Variants in USH2A observed in about 807,000 individuals in gnomAD.
The protein encoded by USH2A is usherin, also known as Usher syndrome 2A (autosomal recessive, mild).
USH2A carries 443 observed loss-of-function variants against 538.9 expected under a neutral mutation model. The observed-to-expected ratio is 0.82, with a 90% CI of 0.76 to 0.89. USH2A has a LOEUF of 0.89. Ranked by LOEUF, USH2A falls within the 40% of genes least tolerant of loss-of-function variation. The pLI is 0.00. For missense variants in USH2A, 6,633 were observed against 6,324.8 expected (o/e 1.05, Z -1.65); for synonymous variants, 2,413 against 2,273.5 (o/e 1.06, Z -1.75).
At chr1:215,667,776 C>T (rs780700381) in intron 64 of USH2A, among the ~76,000 whole-genome samples, 10 of 151,982 alleles carry the variant, frequency 6.6e-5, no homozygotes, top group Non-Finnish European at 1.0e-4. Context: ...CTTATCCATG[C>T]GATACCCTCT....
intron 32 of USH2A, among the ~76,000 whole-genome samples, chr1:216,006,682 CCTT>C (rs1668400175): frequency 6.6e-6 from 1 of 151,946 alleles, no homozygotes; most frequent in Non-Finnish European, 1.5e-5. Context: ...ATTTGTTTTT[CCTT>C]CTTCTCCTTT....
chr1:215,707,588 T>C (rs1391927347), intron 61 of USH2A, among the ~76,000 whole-genome samples: 1 of 152,174 alleles, frequency 6.6e-6, no homozygotes, highest in Non-Finnish European at 1.5e-5. Flanking sequence ...AAAGGATAAT[T>C]GTTTAAATTT....
At chr1:215,650,446 T>C (rs1441529067) in intron 65 of USH2A, 146 bp downstream of exon 65, 6 of 935,616 alleles carry the variant, frequency 6.4e-6, no homozygotes, top group Middle Eastern at 3.0e-4. Context: ...CTCTGAGGGA[T>C]ATTTGTGCTA....
intron 32 of USH2A, among the ~76,000 whole-genome samples, chr1:216,005,653 G>A (rs1668374121): frequency 6.6e-6 from 1 of 152,078 alleles, no homozygotes. Context: ...TTGGGCCAAT[G>A]TAGGGGTCTA....
At chr1:215,919,703 ATTTT>A (rs963814766) in intron 38 of USH2A, among the ~76,000 whole-genome samples, 1 of 151,896 alleles carries the variant, frequency 6.6e-6, no homozygotes, top group Non-Finnish European at 1.5e-5. Flanking sequence ...TGCAACTATT[ATTTT>A]TTTTAAGAAA....
intron 13 of USH2A, among the ~76,000 whole-genome samples, chr1:216,238,867 C>T (rs1299422046): frequency 2.6e-5 from 4 of 152,106 alleles, no homozygotes; most frequent in Non-Finnish European, 4.4e-5. Context: ...CTACCCCATC[C>T]TTCTCCCTCC....
At chr1:216,405,100 C>T (rs910259109) in intron 3 of USH2A, among the ~76,000 whole-genome samples, 3 of 152,170 alleles carry the variant, frequency 2.0e-5, no homozygotes, top group African/African-American at 7.2e-5. Context: ...AAGCAATTCA[C>T]CCACCTCAGC....
intron 34 of USH2A, among the ~76,000 whole-genome samples, chr1:215,994,246 C>T (rs1016234532): frequency 2.0e-5 from 3 of 152,030 alleles, no homozygotes; most frequent in Non-Finnish European, 4.4e-5. Flanking sequence ...ACAGATATTA[C>T]TAAGATAAAA....
chr1:216,245,186 T>C (rs1023742918), intron 13 of USH2A, among the ~76,000 whole-genome samples: 1 of 152,130 alleles, frequency 6.6e-6, no homozygotes, highest in African/African-American at 2.4e-5. Flanking sequence ...CTCCATAATC[T>C]TCCTGTCTTC....
chr1:215,725,801 C>T (rs994511031), intron 61 of USH2A, among the ~76,000 whole-genome samples: 3 of 152,118 alleles, frequency 2.0e-5, no homozygotes, highest in Admixed American at 6.6e-5. Context: ...AGCCCTGTGC[C>T]GCTTAAAGCT....
chr1:216,315,490 T>A (rs1272291740), intron 9 of USH2A, among the ~76,000 whole-genome samples: 1 of 152,072 alleles, frequency 6.6e-6, no homozygotes, highest in Non-Finnish European at 1.5e-5. Flanking sequence ...AAGAGAACGT[T>A]TGGGAGAGTG....
At chr1:215,947,420 G>A (rs1363294740) in intron 37 of USH2A, among the ~76,000 whole-genome samples, 6 of 152,052 alleles carry the variant, frequency 3.9e-5, no homozygotes, top group Non-Finnish European at 2.9e-5. Context: ...TATATATGTA[G>A]CTCACATTAT....
At chr1:215,764,129 T>C (rs1371500681) in intron 56 of USH2A, among the ~76,000 whole-genome samples, 2 of 152,270 alleles carry the variant, frequency 1.3e-5, no homozygotes, top group African/African-American at 2.4e-5. Flanking sequence ...TCCATAAGTG[T>C]AGCTTTGGTG....
chr1:215,722,064 CT>C (rs1206598561), intron 61 of USH2A, among the ~76,000 whole-genome samples: 4 of 60,380 alleles, frequency 6.6e-5, no homozygotes, highest in South Asian at 7.4e-4. Context: ...GACCCTGTCT[CT>C]TTAAAAAAAA....
chr1:215,822,608 T>C (rs1663041566), intron 47 of USH2A, among the ~76,000 whole-genome samples: 1 of 151,978 alleles, frequency 6.6e-6, no homozygotes, highest in African/African-American at 2.4e-5. Flanking sequence ...TTGGATGCCC[T>C]TTATTTCTTC....
intron 32 of USH2A, among the ~76,000 whole-genome samples, chr1:216,003,188 G>A (rs1668306708): frequency 6.6e-6 from 1 of 152,098 alleles, no homozygotes. Context: ...TTGCTTGAGA[G>A]GGTTAGAATG....
At position 215,634,496 on chromosome 1, in the gene USH2A, G is replaced by T; in HGVS notation, c.15260C>A (p.Ser5087Tyr). 6.2e-7 allele frequency: 1 copy of T among 1,614,194 alleles called. No individual in the cohort carries two copies. The highest frequency in any genetic ancestry group is 8.5e-7 in the Non-Finnish European group (1 of 1,180,038). The change falls in exon 70 of 72, where the codon TCT (serine) becomes TAT (tyrosine). Residue 5087 changes from serine (S) to tyrosine (Y), a missense_variant. Physicochemically the swap from Ser to Tyr is moderately radical, Grantham distance 144. Coordinates refer to ENST00000307340, the MANE Select transcript of USH2A (RefSeq NM_206933.4). ...PPLVPLQKRM[S>Y]PLNVYPPGEN... ...CCCCGGTGGGTAAACATTCAATGGAGACATCCTCTTCTGAAGAGGTACCAA... is the reference window on the plus strand; with the variant it reads ...CCCCGGTGGGTAAACATTCAATGGATACATCCTCTTCTGAAGAGGTACCAA...
At chr1:215,828,434 C>A (rs1214364896) in intron 47 of USH2A, among the ~76,000 whole-genome samples, 3 of 152,096 alleles carry the variant, frequency 2.0e-5, no homozygotes, top group Non-Finnish European at 4.4e-5. Flanking sequence ...GAACGAGATC[C>A]TGTCTCAACA....
intron 10 of USH2A, among the ~76,000 whole-genome samples, chr1:216,291,725 CA>C (rs2037005542): frequency 6.6e-6 from 1 of 152,088 alleles, no homozygotes; most frequent in South Asian, 2.1e-4. Context: ...TTAGTATTTT[CA>C]AAAAGAGTAT....
Sources: gnomAD v4.1 joint callset for allele counts (sites outside exome capture counted in the v4.1 genomes callset) on GRCh38, gnomAD v4.1.1 for gene constraint, MANE v1.5 for transcripts, NCBI Gene and HGNC (gene_info 2026-07-23, HGNC 2026-07-21) for gene names.